Variants in PHACTR2 observed in about 807,000 individuals in gnomAD.
PHACTR2 encodes the protein phosphatase and actin regulator 2.
In PHACTR2, 30 loss-of-function variants were observed where a neutral mutation model predicts 76.0. That is an observed-to-expected ratio of 0.39 (90% CI 0.30 to 0.54). PHACTR2 has a LOEUF of 0.54. Among genes scored for constraint, PHACTR2 ranks in the 20% least tolerant of loss-of-function variants. The probability of loss-of-function intolerance (pLI) is 0.61; values close to 1 mark genes in which losing one functional copy is unlikely to be tolerated. For synonymous variants in PHACTR2, 292 were observed against 292.5 expected, an observed-to-expected ratio of 1.00 and a Z score of 0.02; for missense variants, 696 against 781.1, an observed-to-expected ratio of 0.89 and a Z score of 1.30.
rs1776674148 is a variant in PHACTR2, at chr6:143,647,188, TATCTATTATA to T, written c.13+38869_13+38878del. ...AACTTATTGCAAAGGTACTAAGTATTATCTATTATAATATGTGTTTTGCATCCCTTTCTGT... is the reference window on the plus strand; with the variant it reads ...AACTTATTGCAAAGGTACTAAGTATTATATGTGTTTTGCATCCCTTTCTGT... On this transcript the variant is annotated intron_variant, in intron 1 of 11. Coordinates refer to the PHACTR2 transcript ENST00000305766. The surrounding 1 kb of genome is among the most constrained non-coding windows in gnomAD (Gnocchi z 4.2). Among the ~76,000 whole-genome samples, 1 of 152,224 alleles carries T rather than the reference TATCTATTATA, an allele frequency of 6.6e-6. No homozygotes were observed. Among genetic ancestry groups the T allele is most frequent in the Admixed American group, 6.5e-5 (1 of 15,274 alleles).
At position 143,718,393 on chromosome 6, in the gene PHACTR2, C is replaced by T. The variant is rs60183857; in HGVS notation, c.214+6210C>T. On this transcript the variant is annotated intron_variant, in intron 2 of 12. Coordinates refer to ENST00000440869, the MANE Select transcript of PHACTR2 (RefSeq NM_001100164.2). ...AGATGACTTGCCCAAGAAAACACACCTGGCAGTAGGCAAAGGCAATATTTG... is the reference window on the plus strand; with the variant it reads ...AGATGACTTGCCCAAGAAAACACACTTGGCAGTAGGCAAAGGCAATATTTG... Among the ~76,000 whole-genome samples the T allele has an allele frequency of 7.8e-3, 1,186 of 152,294 alleles. 13 individuals carry two copies. The highest frequency in any genetic ancestry group is 0.027 in the African/African-American group (1,142 of 41,554).
rs1424394388 is a variant in PHACTR2, at chr6:143,722,804, A to G, written c.214+10621A>G. Among the ~76,000 whole-genome samples, 1 of 152,042 alleles carries G rather than the reference A, an allele frequency of 6.6e-6. No individual in the cohort carries two copies. The highest frequency in any genetic ancestry group is 1.5e-5 in the Non-Finnish European group (1 of 67,996). On this transcript the variant is annotated intron_variant, in intron 2 of 12. Coordinates refer to ENST00000440869, the MANE Select transcript of PHACTR2 (RefSeq NM_001100164.2). This position sits in a 1 kb window ranked among gnomAD's most constrained non-coding sequence, Gnocchi z 4.1. ...GTAACTGTCGTTCTACTCTATCTCC[A>G]TGAGTTCAGTTTTTTTGTTTTAGCT...
At chr6:143,542,897 A>G (rs1781184242) in intron 1 of PHACTR2, among the ~76,000 whole-genome samples, 1 of 152,210 alleles carries the variant, frequency 6.6e-6, no homozygotes, top group African/African-American at 2.4e-5. Flanking sequence ...CACAGTGCCA[A>G]CATGGCCATG....
Position 143,715,737 on chromosome 6 carries a change from C to T in PHACTR2, c.214+3554C>T, listed in dbSNP as rs7763996. On this transcript the variant is annotated intron_variant, in intron 2 of 12. Coordinates refer to ENST00000440869, the MANE Select transcript of PHACTR2 (RefSeq NM_001100164.2). ...CATTCCAACCAAAACAGATCCCCTG[C>T]CAACCCCAGCTATCCTTGTTACTGT... 6.2e-3 allele frequency among the ~76,000 whole-genome samples: 939 copies of T among 152,264 alleles called. 17 individuals are homozygous for T. Among genetic ancestry groups the T allele is most frequent in the African/African-American group, 0.022 (897 of 41,550 alleles).
chr6:143,632,110 C>T (rs1321736942), intron 1 of PHACTR2, among the ~76,000 whole-genome samples: 1 of 152,160 alleles, frequency 6.6e-6, no homozygotes, highest in Non-Finnish European at 1.5e-5. Flanking sequence ...AGCAGATGGT[C>T]AATTTGCATT....
rs1287765811 is a variant in PHACTR2 at position 143,585,881 on chromosome 6, G to C, written c.217+48674G>C. Among the ~76,000 whole-genome samples the C allele has an allele frequency of 1.3e-5, 2 of 152,320 alleles. No individual in the cohort carries two copies. The highest frequency in any genetic ancestry group is 4.8e-5 in the African/African-American group (2 of 41,576). On this transcript the variant is annotated intron_variant, in intron 1 of 11. Coordinates refer to the PHACTR2 transcript ENST00000367584. The surrounding 1 kb of genome is among the most constrained non-coding windows in gnomAD (Gnocchi z 5.2). ...TGAGCCCAGCAGCAGGGGATTTTAA[G>C]CTGGGGCCGCTAGCACTTCATGGCA... is the stretch of plus-strand genomic sequence containing the variant.
rs147709258 is a variant in PHACTR2, at chr6:143,550,577, C to T, written c.217+13370C>T. Among the ~76,000 whole-genome samples the T allele has an allele frequency of 1.6e-3, 250 of 152,122 alleles. 2 individuals are homozygous for T. Among genetic ancestry groups the T allele is most frequent in the African/African-American group, 5.7e-3 (235 of 41,532 alleles). On this transcript the variant is annotated intron_variant, in intron 1 of 11. Coordinates refer to the PHACTR2 transcript ENST00000367584. The surrounding 1 kb of genome is among the most constrained non-coding windows in gnomAD (Gnocchi z 4.8). ...CGCTTTGAAGGATCTAGAGAGAGAG[C>T]ATGGCTTTAGAACTTTTACCTACAA...
At position 143,551,191 on chromosome 6, in the gene PHACTR2, G is replaced by A. The variant is rs570903961; in HGVS notation, c.217+13984G>A. Reference sequence around the variant, plus strand: ...ACAGCAGTCCCCCCTTATCTATGGGGGATTCATTCCAAGACACCTAGTAGA... The same window carrying A: ...ACAGCAGTCCCCCCTTATCTATGGGAGATTCATTCCAAGACACCTAGTAGA... On this transcript the variant is annotated intron_variant, in intron 1 of 11. Coordinates refer to the PHACTR2 transcript ENST00000367584. Among the ~76,000 whole-genome samples, 47 of 151,876 alleles carry A rather than the reference G, an allele frequency of 3.1e-4. 1 individual carries two copies. The highest frequency in any genetic ancestry group is 1.0e-3 in the African/African-American group (43 of 41,490).
At chr6:143,736,631 G>C (rs1778827335) in intron 2 of PHACTR2, among the ~76,000 whole-genome samples, 1 of 119,576 alleles carries the variant, frequency 8.4e-6, no homozygotes, top group African/African-American at 3.1e-5. Context: ...CTGGAGTGCA[G>C]TGGCAAGATC....
chr6:143,828,752 A>G lies in PHACTR2; in HGVS notation c.*5063A>G, dbSNP rs10447447. The G allele has an allele frequency of 0.32, 48,042 of 152,114 alleles. 8,076 individuals are homozygous for G. The highest frequency in any genetic ancestry group is 0.45 in the East Asian group (2,313 of 5,180). The allele number at this position is 152,114 out of a possible 1,614,324, so 9.4% of individuals were successfully genotyped here. A position where few individuals can be genotyped will look rare whatever the true frequency, so the allele number is the denominator to read the frequency against. Reference sequence around the variant, plus strand: ...GGGTACTCTTGGCATTTGGAGCTGGATAGGTCTTTGCTGTACAGAATCATC... The same window carrying G: ...GGGTACTCTTGGCATTTGGAGCTGGGTAGGTCTTTGCTGTACAGAATCATC... On this transcript the variant is annotated 3_prime_UTR_variant, in exon 13 of 13. Coordinates refer to ENST00000440869, the MANE Select transcript of PHACTR2 (RefSeq NM_001100164.2). The surrounding 1 kb of genome is among the most constrained non-coding windows in gnomAD (Gnocchi z 4.7).
intron 2 of PHACTR2, among the ~76,000 whole-genome samples, chr6:143,729,376 A>G (rs1344633880): frequency 6.6e-6 from 1 of 152,282 alleles, no homozygotes; most frequent in East Asian, 1.9e-4. Context: ...CTTCTTTTAA[A>G]ATAGATCATG....
chr6:143,756,621 C>G (rs1779304835), intron 4 of PHACTR2, among the ~76,000 whole-genome samples: 1 of 150,800 alleles, frequency 6.6e-6, no homozygotes, highest in African/African-American at 2.4e-5. Context: ...ATGGCGTGAA[C>G]CCGGGAGGCG....
At chr6:143,584,686 G>A (rs1775607832) in intron 1 of PHACTR2, among the ~76,000 whole-genome samples, 1 of 152,174 alleles carries the variant, frequency 6.6e-6, no homozygotes, top group Non-Finnish European at 1.5e-5. Context: ...TTGTCTATCA[G>A]TGCAGTGACC....
intron 2 of PHACTR2, among the ~76,000 whole-genome samples, chr6:143,716,168 T>C (rs1181892551): frequency 6.6e-6 from 1 of 152,050 alleles, no homozygotes; most frequent in East Asian, 1.9e-4. Flanking sequence ...GCCTGGCAAA[T>C]AGAGCAATGA....
In PHACTR2 at chr6:143,680,081, T is replaced by C. The variant is rs1432207363; in HGVS notation, c.46+1872T>C. Among the ~76,000 whole-genome samples, 1 of 152,092 alleles carries C rather than the reference T, an allele frequency of 6.6e-6. No homozygotes were observed. The highest frequency in any genetic ancestry group is 1.5e-5 in the Non-Finnish European group (1 of 68,010). On this transcript the variant is annotated intron_variant, in intron 1 of 12. Transcript: ENST00000440869. This position sits in a 1 kb window ranked among gnomAD's most constrained non-coding sequence, Gnocchi z 4.5. ...AGAACAGTTTTCTCGTGGTATCCAG[T>C]GTCTCTAAATCCGTTAGAGCTACCC...
intron 1 of PHACTR2, among the ~76,000 whole-genome samples, chr6:143,704,424 G>A (rs755798849): frequency 7.2e-5 from 11 of 152,018 alleles, no homozygotes; most frequent in Non-Finnish European, 1.3e-4. Flanking sequence ...CTTTACTGTT[G>A]GTAAAAGACA....
intron 1 of PHACTR2, among the ~76,000 whole-genome samples, chr6:143,614,052 T>C (rs1776022744): frequency 6.6e-6 from 1 of 151,914 alleles, no homozygotes; most frequent in Non-Finnish European, 1.5e-5. Flanking sequence ...GAAACCCCCA[T>C]CTCTACTAAA....
At position 143,757,993 on chromosome 6, in the gene PHACTR2, C is replaced by T. The variant is rs932883542; in HGVS notation, c.455-2408C>T. ...CACACACACACACACACACACATAA[C>T]TTAAGAATTACCAGAATGACAAATG... On this transcript the variant is annotated intron_variant, in intron 4 of 12. Coordinates refer to ENST00000440869, the MANE Select transcript of PHACTR2 (RefSeq NM_001100164.2). The surrounding 1 kb of genome is among the most constrained non-coding windows in gnomAD (Gnocchi z 4.2). Among the ~76,000 whole-genome samples, 2 of 136,314 alleles carry T rather than the reference C, an allele frequency of 1.5e-5. No individual in the cohort carries two copies. Among genetic ancestry groups the T allele is most frequent in the African/African-American group, 3.5e-5 (1 of 28,962 alleles). The allele number at this position is 136,314 out of a possible 152,430, so 89.4% of individuals were successfully genotyped here.
intron 1 of PHACTR2, among the ~76,000 whole-genome samples, chr6:143,655,944 A>T (rs1388194553): frequency 1.3e-5 from 2 of 152,250 alleles, no homozygotes; most frequent in African/African-American, 4.8e-5. Flanking sequence ...CAGCAGATAC[A>T]CTATTTTCTC....
Sources: allele counts gnomAD v4.1 joint callset (sites outside exome capture counted in the v4.1 genomes callset), GRCh38; gene constraint gnomAD v4.1.1; non-coding constraint Gnocchi (gnomAD v3.1); transcripts MANE v1.5; gene names NCBI Gene and HGNC (gene_info 2026-07-23, HGNC 2026-07-21).